The following IBTK variants were observed in gnomAD, a reference collection of about 807,000 sequenced individuals.
The protein encoded by IBTK is BTK-binding protein.
In IBTK, 83 loss-of-function variants were observed where a neutral mutation model predicts 154.9. That is an observed-to-expected ratio of 0.54 (90% CI 0.45 to 0.64). The LOEUF (loss-of-function observed/expected upper bound fraction) is 0.64, where lower values mean the gene tolerates loss of function less well. IBTK is among the 30% of genes least tolerant of loss of function. The pLI, the probability that IBTK is intolerant of heterozygous loss-of-function variation, is 0.00. For missense variants in IBTK, 1,332 were observed against 1,584.6 expected, an observed-to-expected ratio of 0.84 and a Z score of 2.71; for synonymous variants, 515 against 536.1, an observed-to-expected ratio of 0.96 and a Z score of 0.54.
Position 82,193,251 on chromosome 6 carries a change from T to C in IBTK, c.3338+1228A>G, listed in dbSNP as rs368168353. The stretch of plus-strand genomic sequence containing the variant: ...TTTGTGTATATGTCAATATTGAGAA[T>C]GTTTATTGCCTATTGCTATGCATTT... On this transcript the variant is annotated intron_variant, in intron 23 of 28. Transcript: ENST00000306270. 9.2e-5 allele frequency among the ~76,000 whole-genome samples: 14 copies of C among 152,310 alleles called. No homozygotes were observed. The East Asian group carries it at 1.7e-3, about 19-fold the overall frequency.
At chr6:82,192,892 A>G (rs1424356326) in intron 23 of IBTK, among the ~76,000 whole-genome samples, 1 of 152,104 alleles carries the variant, frequency 6.6e-6, no homozygotes, top group East Asian at 1.9e-4. Context: ...AAGATCAGGA[A>G]TTCAAGACCA....
At chr6:82,192,381 G>A (rs1768799467) in intron 23 of IBTK, among the ~76,000 whole-genome samples, 1 of 152,038 alleles carries the variant, frequency 6.6e-6, no homozygotes, top group Non-Finnish European at 1.5e-5. Flanking sequence ...AAAACTTGGG[G>A]ATACTAAATA....
chr6:82,196,201 T>C lies in IBTK; in HGVS notation c.3174+97A>G, dbSNP rs150683631. ...GATTCTTATATACCAACCTGGAAAC[T>C]GTTTTAAAATTAGGGCAAAAATAAG... On this transcript the variant is annotated intron_variant, in intron 22 of 28. Transcript: ENST00000306270. 17 of 996,216 alleles carry C rather than the reference T, an allele frequency of 1.7e-5. No homozygotes were observed. The East Asian group carries it at 4.4e-4, about 26-fold the overall frequency. 61.7% of individuals were successfully genotyped at this position (996,216 alleles called of 1,614,324 possible). A position where few individuals can be genotyped will look rare whatever the true frequency, so the allele number is the denominator to read the frequency against.
chr6:82,185,197 A>C (rs538853112), intron 25 of IBTK, among the ~76,000 whole-genome samples: 7 of 151,610 alleles, frequency 4.6e-5, no homozygotes, highest in Admixed American at 6.6e-5. Context: ...AAAAAAAAAA[A>C]AAAAAAAAAC....
At chr6:82,173,204 G>T in intron 27 of IBTK, 163 bp downstream of exon 27, 2 of 457,936 alleles carry the variant, frequency 4.4e-6, no homozygotes, top group Non-Finnish European at 7.8e-6. Flanking sequence ...GTTTTGCCAT[G>T]TTGGCTAGGC....
rs764040547 is a variant in IBTK, at chr6:82,224,084, T to C, written c.927A>G (p.Leu309=). ...ATTTCTTACCCAGTTGTCCACCATT[T>C]AGTCCCATAGTGTAAACAGCTTCTC... ...WTREAVYTMG[L]NGGQLGCLLD... is the part of the protein sequence containing the mutation. Residue 309 remains leucine, a synonymous_variant, in exon 7 of 29, where the codon CTA becomes CTG. Coordinates refer to ENST00000306270, the MANE Select transcript of IBTK (RefSeq NM_015525.4). The C allele has an allele frequency of 5.0e-6, 8 of 1,588,046 alleles. No homozygotes were observed. The Admixed American group carries it at 1.2e-4, about 24-fold the overall frequency.
At position 82,182,037 on chromosome 6, in the gene IBTK, G is replaced by C; in HGVS notation, c.3576-9C>G. 1 of 1,586,866 alleles carries C rather than the reference G, an allele frequency of 6.3e-7. No homozygotes were observed. The highest frequency in any genetic ancestry group is 8.5e-7 in the Non-Finnish European group (1 of 1,174,084). On this transcript the variant is annotated splice_polypyrimidine_tract_variant and intron_variant, in intron 25 of 28. Coordinates refer to ENST00000306270, the MANE Select transcript of IBTK (RefSeq NM_015525.4). ...AATGCAGAGAAGATGCCCTGCAAAA[G>C]AAAGCAAAGATCATGTTAAAACATC...
intron 17 of IBTK, among the ~76,000 whole-genome samples, chr6:82,204,634 CA>C (rs976614823): frequency 6.6e-6 from 1 of 151,934 alleles, no homozygotes; most frequent in African/African-American, 2.4e-5. Flanking sequence ...CATTTCAATA[CA>C]AATATTACAT....
chr6:82,207,374 G>A (rs895282996), intron 16 of IBTK, among the ~76,000 whole-genome samples: 2 of 152,004 alleles, frequency 1.3e-5, no homozygotes, highest in African/African-American at 2.4e-5. Flanking sequence ...AACTAAGAAA[G>A]AGCAAGGCTT....
rs768726059 is a variant in IBTK, at chr6:82,211,347, G to A, written c.2412+20C>T. The A allele has an allele frequency of 3.2e-5, 50 of 1,578,300 alleles. No homozygotes were observed. Among genetic ancestry groups the A allele is most frequent in the Middle Eastern group, 4.5e-4 (2 of 4,404 alleles). On this transcript the variant is annotated intron_variant, in intron 15 of 28. Transcript: ENST00000306270. ...AAGAAACATAGTTACCAACCTAGGC[G>A]CTTTTTACTTAAATCTTACCTCAAT... is the stretch of plus-strand genomic sequence containing the variant.
rs1769148344 is a variant in IBTK, at chr6:82,200,170, G to C, written c.2996C>G (p.Ser999Ter). The C allele has an allele frequency of 3.7e-6, 6 of 1,611,398 alleles. No individual in the cohort carries two copies. The highest frequency in any genetic ancestry group is 5.1e-6 in the Non-Finnish European group (6 of 1,178,552). The change falls in exon 21 of 29, where the codon TCA becomes TGA. Residue 999 changes from serine (S) to a stop codon, truncating the protein, a stop_gained. Transcript: ENST00000306270. LOFTEE classifies it high-confidence loss of function. ...RSDSSGGYNLSDIIQSPSSTG... is the reference protein window; with the variant it reads ...RSDSSGGYNL ...AGATGATGGACTCTGAATAATATCT[G>C]AAAGGTTATAACCTCCAGAACTATC...
At chr6:82,237,893 G>A (rs1011769632) in intron 2 of IBTK, among the ~76,000 whole-genome samples, 3 of 152,016 alleles carry the variant, frequency 2.0e-5, no homozygotes, top group Non-Finnish European at 2.9e-5. Context: ...GACCAGAACT[G>A]TTTTTTTCTT....
intron 26 of IBTK, among the ~76,000 whole-genome samples, 161 bp downstream of exon 26, chr6:82,181,718 T>C (rs1308045817): frequency 6.6e-6 from 1 of 152,182 alleles, no homozygotes; most frequent in African/African-American, 2.4e-5. Flanking sequence ...TCAATTTTTT[T>C]TAAGTGGGGA....
intron 23 of IBTK, among the ~76,000 whole-genome samples, chr6:82,193,691 CT>C (rs926935171): frequency 6.6e-6 from 1 of 151,714 alleles, no homozygotes; most frequent in Non-Finnish European, 1.5e-5. Context: ...TTTTCTTTTT[CT>C]TTTTTTTGAG....
In IBTK at chr6:82,194,531, T is replaced by C. The variant is rs1471539783; in HGVS notation, c.3286A>G (p.Ser1096Gly). The change falls in exon 23 of 29, where the codon AGT (serine) becomes GGT (glycine). Residue 1096 changes from serine (S) to glycine (G), a missense_variant. Transcript: ENST00000306270. ...GAGCTGGTAGTATCAATTCTGTTACTGGGAATAGGCTGTGGAGCAGATATT... is the reference window on the plus strand; with the variant it reads ...GAGCTGGTAGTATCAATTCTGTTACCGGGAATAGGCTGTGGAGCAGATATT... ...LKISAPQPIP[S>G]NRIDTTSSAS... is the part of the protein sequence containing the mutation. The C allele has an allele frequency of 6.2e-7, 1 of 1,605,672 alleles. No homozygotes were observed. Among genetic ancestry groups the C allele is most frequent in the East Asian group, 2.2e-5 (1 of 44,462 alleles).
intron 4 of IBTK, among the ~76,000 whole-genome samples, chr6:82,229,672 C>T (rs1770430010): frequency 6.6e-6 from 1 of 152,168 alleles, no homozygotes; most frequent in Admixed American, 6.5e-5. Flanking sequence ...GCTCTGATTT[C>T]TCACCATCTT....
rs1267874763 is a variant in IBTK at position 82,224,296 on chromosome 6, A to G, written c.826-111T>C. The G allele has an allele frequency of 4.0e-6, 3 of 743,336 alleles. No homozygotes were observed. The African/African-American group carries it at 5.2e-5, about 13-fold the overall frequency. The allele number at this position is 743,336 out of a possible 1,614,324, so 46.0% of individuals were successfully genotyped here. On this transcript the variant is annotated intron_variant, in intron 6 of 28. Transcript: ENST00000306270. ...ATGGTATACTTGCTGTTAGTGGTCC[A>G]CTCAAGTGCAATTGGCAGTTGTCAC... is the stretch of plus-strand genomic sequence containing the variant.
At chr6:82,220,030 C>T (rs1365034419) in intron 9 of IBTK, among the ~76,000 whole-genome samples, 3 of 151,652 alleles carry the variant, frequency 2.0e-5, no homozygotes, top group East Asian at 3.9e-4. Flanking sequence ...GCTAACATGG[C>T]GAAACCCCGT....
At chr6:82,188,229 A>G (rs1768627436) in intron 25 of IBTK, among the ~76,000 whole-genome samples, 1 of 152,240 alleles carries the variant, frequency 6.6e-6, no homozygotes, top group Admixed American at 6.5e-5. Flanking sequence ...CAATAAATTG[A>G]CAAAATGAAA....
Sources: allele counts gnomAD v4.1 joint callset (sites outside exome capture counted in the v4.1 genomes callset), GRCh38; gene constraint gnomAD v4.1.1; transcripts MANE v1.5; gene names NCBI Gene and HGNC (gene_info 2026-07-23, HGNC 2026-07-21).